The following NMBR variants were observed in gnomAD, a reference collection of about 807,000 sequenced individuals.
The protein encoded by NMBR is neuromedin-B receptor.
NMBR carries 16 observed loss-of-function variants against 20.5 expected under a neutral mutation model. The observed-to-expected ratio is 0.78, with a 90% CI of 0.53 to 1.19. The LOEUF (loss-of-function observed/expected upper bound fraction) is 1.19. NMBR is among the 50% of genes most tolerant of loss of function. The pLI is 0.00. For synonymous variants in NMBR, 212 were observed against 196.6 expected (o/e 1.08, Z -0.65); for missense variants, 582 against 499.1 (o/e 1.17, Z -1.58).
chr6:142,137,701 T>C (rs1368535163), intron 1 of NMBR, among the ~76,000 whole-genome samples: 1 of 152,164 alleles, frequency 6.6e-6, no homozygotes, highest in Non-Finnish European at 1.5e-5. Context: ...GTTTTTAGCA[T>C]GAAGCGTTGT....
chr6:142,096,405 T>G (rs953914249), intron 1 of NMBR, among the ~76,000 whole-genome samples: 1 of 152,216 alleles, frequency 6.6e-6, no homozygotes, highest in African/African-American at 2.4e-5. Context: ...TTCATTTCGT[T>G]ATGTACCCAG....
intron 1 of NMBR, among the ~76,000 whole-genome samples, chr6:142,143,653 A>T (rs1778389748): frequency 6.6e-6 from 1 of 152,238 alleles, no homozygotes; most frequent in African/African-American, 2.4e-5. Context: ...GTCATTATAA[A>T]CTGATCTGTA....
At chr6:142,123,096 C>T (rs1350814533) in intron 1 of NMBR, among the ~76,000 whole-genome samples, 1 of 151,880 alleles carries the variant, frequency 6.6e-6, no homozygotes, top group Non-Finnish European at 1.5e-5. Flanking sequence ...ATTCATCATT[C>T]TAGATGCCAT....
chr6:142,082,503 AAG>A (rs1036534109), intron 2 of NMBR, among the ~76,000 whole-genome samples: 1 of 152,238 alleles, frequency 6.6e-6, no homozygotes, highest in Non-Finnish European at 1.5e-5. Flanking sequence ...AAGTAAAAAA[AAG>A]AGAGAATATG....
chr6:142,144,676 A>G (rs1333606941), intron 1 of NMBR, among the ~76,000 whole-genome samples: 1 of 152,238 alleles, frequency 6.6e-6, no homozygotes, highest in Non-Finnish European at 1.5e-5. Flanking sequence ...GTTTTATAGC[A>G]TAATTTCAAT....
intron 1 of NMBR, among the ~76,000 whole-genome samples, chr6:142,141,644 A>G (rs2114615647): frequency 6.6e-6 from 1 of 151,394 alleles, no homozygotes. Flanking sequence ...AGCTGGGATT[A>G]CAGGCACCCG....
chr6:142,087,382 T>C (rs1777219025), intron 2 of NMBR, among the ~76,000 whole-genome samples: 1 of 152,178 alleles, frequency 6.6e-6, no homozygotes, highest in Non-Finnish European at 1.5e-5. Context: ...AGGTACCTAA[T>C]TTTGCATTTT....
intron 1 of NMBR, among the ~76,000 whole-genome samples, chr6:142,104,385 G>C (rs1192948584): frequency 1.3e-5 from 2 of 152,146 alleles, no homozygotes; most frequent in African/African-American, 4.8e-5. Context: ...TTTGGCAGTG[G>C]TTTCCACGTA....
At chr6:142,112,535 G>GACAGT (rs1222137022) in intron 1 of NMBR, among the ~76,000 whole-genome samples, 1 of 152,184 alleles carries the variant, frequency 6.6e-6, no homozygotes. Context: ...TCAAATGAGA[G>GACAGT]ACAGTACAAT....
At chr6:142,099,895 A>G (rs1054262496) in intron 1 of NMBR, among the ~76,000 whole-genome samples, 3 of 152,320 alleles carry the variant, frequency 2.0e-5, no homozygotes, top group African/African-American at 7.2e-5. Flanking sequence ...CCAATGAAAA[A>G]GAGGACAAAA....
chr6:142,124,674 T>C (rs1048750406), intron 1 of NMBR, among the ~76,000 whole-genome samples: 11 of 151,902 alleles, frequency 7.2e-5, no homozygotes, highest in Non-Finnish European at 1.6e-4. Flanking sequence ...AATTGTTATA[T>C]GTGTTATACA....
intron 1 of NMBR, among the ~76,000 whole-genome samples, chr6:142,141,269 G>C (rs1450816959): frequency 6.6e-6 from 1 of 152,004 alleles, no homozygotes; most frequent in Middle Eastern, 3.2e-3. Context: ...TAAGATATCA[G>C]GGATGCATCT....
intron 1 of NMBR, among the ~76,000 whole-genome samples, chr6:142,132,676 G>A (rs1443323475): frequency 6.6e-6 from 1 of 152,102 alleles, no homozygotes; most frequent in Non-Finnish European, 1.5e-5. Context: ...TATTTCCCAT[G>A]TACTTTTCCT....
intron 1 of NMBR, among the ~76,000 whole-genome samples, chr6:142,102,418 C>T (rs1000384026): frequency 2.0e-5 from 3 of 150,554 alleles, no homozygotes; most frequent in Admixed American, 2.0e-4. Flanking sequence ...AGTCTACTTG[C>T]TTTAACAAAG....
At chr6:142,116,834 C>A (rs1310033624) in intron 1 of NMBR, among the ~76,000 whole-genome samples, 1 of 151,904 alleles carries the variant, frequency 6.6e-6, no homozygotes, top group African/African-American at 2.4e-5. Flanking sequence ...CACTGTTAAA[C>A]AAATAAGCCA....
intron 1 of NMBR, among the ~76,000 whole-genome samples, chr6:142,100,154 T>A (rs1306968982): frequency 6.6e-6 from 1 of 152,196 alleles, no homozygotes; most frequent in Non-Finnish European, 1.5e-5. Context: ...AGTTTGGCAG[T>A]TTCATACAAA....
Position 142,124,353 on chromosome 6 carries a change from A to G in NMBR, c.-664+22691T>C, listed in dbSNP as rs182688251. On this transcript the variant is annotated intron_variant, in intron 1 of 3. Transcript: ENST00000258042. Reference sequence around the variant, plus strand: ...TGCCAGAATGAGTCTAGTCTCCATAATAAGAGTGAAAATATTGTTTTTAGA... The same window carrying G: ...TGCCAGAATGAGTCTAGTCTCCATAGTAAGAGTGAAAATATTGTTTTTAGA... Among the ~76,000 whole-genome samples, 6 of 152,066 alleles carry G rather than the reference A, an allele frequency of 3.9e-5. No individual in the cohort carries two copies. The East Asian group carries it at 1.2e-3, about 30-fold the overall frequency.
chr6:142,094,137 C>T (rs375974355), intron 1 of NMBR, among the ~76,000 whole-genome samples: 73 of 151,698 alleles, frequency 4.8e-4, no homozygotes, highest in African/African-American at 1.4e-3. Flanking sequence ...TTTGCTGTGC[C>T]GAAGCTCTTT....
chr6:142,078,040 C>T (rs1355525959), intron 3 of NMBR, among the ~76,000 whole-genome samples: 5 of 152,168 alleles, frequency 3.3e-5, no homozygotes, highest in African/African-American at 1.2e-4. Flanking sequence ...CTTTGGATTG[C>T]ACCTTTGGGT....
Sources: gnomAD v4.1 joint callset for allele counts (sites outside exome capture counted in the v4.1 genomes callset) on GRCh38, gnomAD v4.1.1 for gene constraint, MANE v1.5 for transcripts, NCBI Gene and HGNC (gene_info 2026-07-23, HGNC 2026-07-21) for gene names.